The following TMEM143 variants were observed in gnomAD, a reference collection of about 807,000 sequenced individuals.
TMEM143 encodes the protein transmembrane protein 143.
In TMEM143, 45 loss-of-function variants were observed where a neutral mutation model predicts 40.3. The ratio of observed to expected loss-of-function variants is 1.12; its 90% CI spans 0.88 to 1.43. The LOEUF (loss-of-function observed/expected upper bound fraction) is 1.43, where lower values mean the gene tolerates loss of function less well. TMEM143 is among the 40% of genes most tolerant of loss of function. TMEM143 has a pLI of 0.00. For synonymous variants in TMEM143, 299 were observed against 282.7 expected (o/e 1.06, Z -0.58); for missense variants, 620 against 613.4 (o/e 1.01, Z -0.11).
At chr19:48,334,427 TTTCTTTCTTTC>T (rs1164734380) in intron 6 of TMEM143, among the ~76,000 whole-genome samples, 1 of 50,810 alleles carries the variant, frequency 2.0e-5, no homozygotes, top group Non-Finnish European at 3.9e-5. Context: ...TCTTTCTTTC[TTTCTTTCTTTC>T]TTTCTTTCTT....
chr19:48,342,915 T>C (rs980281814), intron 5 of TMEM143, 106 bp from the exon 6 acceptor site: 2 of 1,334,408 alleles, frequency 1.5e-6, no homozygotes, highest in South Asian at 3.0e-5. Context: ...CACAACCATC[T>C]TAAAAGCGAC....
At position 48,333,055 on chromosome 19, in the gene TMEM143, C is replaced by T; in HGVS notation, c.*164G>A. 2.1e-6 allele frequency: 1 copy of T among 484,638 alleles called. No individual in the cohort carries two copies. Among genetic ancestry groups the T allele is most frequent in the Admixed American group, 4.2e-5 (1 of 23,636 alleles). The allele number at this position is 484,638 out of a possible 1,614,324, so 30.0% of individuals were successfully genotyped here. On this transcript the variant is annotated 3_prime_UTR_variant, in exon 8 of 8. Coordinates refer to ENST00000293261, the MANE Select transcript of TMEM143 (RefSeq NM_018273.4). This position sits in a 1 kb window ranked among gnomAD's most constrained non-coding sequence, Gnocchi z 4.1. The stretch of plus-strand genomic sequence containing the variant: ...GGGAAGACTTAACAACTGCTAGCTG[C>T]TTTGATTGGCTGCTTTGCTTAAGCA...
In TMEM143 at chr19:48,363,462, C is replaced by T. The variant is rs142927383; in HGVS notation, c.93G>A (p.Trp31Ter). 5.2e-5 allele frequency: 84 copies of T among 1,613,976 alleles called. No homozygotes were observed. In the Middle Eastern group the frequency reaches 2.1e-3, roughly 41 times the overall value. Residue 31 changes from tryptophan to a stop codon, truncating the protein, a stop_gained, in exon 2 of 8, where the codon TGG becomes TGA. Transcript: ENST00000293261. LOFTEE classifies it high-confidence loss of function. ...RGVWGSRVRV[W>*]PLLPALLGPP... The stretch of plus-strand genomic sequence containing the variant: ...GCCCGAGGAGCGCGGGCAACAGTGG[C>T]CATACTCGGACCCTGGACCCCCAGA...
At chr19:48,335,976 C>G (rs867347715) in intron 6 of TMEM143, among the ~76,000 whole-genome samples, 2 of 152,134 alleles carry the variant, frequency 1.3e-5, no homozygotes, top group Admixed American at 1.3e-4. Flanking sequence ...GCCCAGCTGT[C>G]TACTGGCTGC....
chr19:48,342,922 C>T (rs1969536201), intron 5 of TMEM143, 113 bp from the exon 6 acceptor site: 5 of 1,293,972 alleles, frequency 3.9e-6, no homozygotes, highest in Non-Finnish European at 4.2e-6. Context: ...ATCTTAAAAG[C>T]GACTCAGTAA....
At chr19:48,342,170 A>AAGGGG (rs1164231712) in intron 6 of TMEM143, among the ~76,000 whole-genome samples, 1 of 42,100 alleles carries the variant, frequency 2.4e-5, no homozygotes, top group African/African-American at 9.7e-5. Flanking sequence ...GAGGGAGGGG[A>AAGGGG]AGGGGAGGGG....
At chr19:48,342,025 G>A (rs1181111980) in intron 6 of TMEM143, among the ~76,000 whole-genome samples, 1 of 150,034 alleles carries the variant, frequency 6.7e-6, no homozygotes, top group South Asian at 2.1e-4. Context: ...AGTAAATGAA[G>A]TAGGGAAGGG....
At chr19:48,345,455 T>C (rs7249843) in intron 3 of TMEM143, 101 bp from the exon 4 acceptor site, 5,384 of 467,792 alleles carry the variant, frequency 0.012, 192 homozygotes, top group African/African-American at 0.091. Context: ...CATTTATTTA[T>C]TTATTTATTT....
Position 48,345,560 on chromosome 19 carries a change from G to A in TMEM143, c.370-206C>T, listed in dbSNP as rs530623523. ...TGCAACCTCCACCTCCCGGGTTCAA[G>A]CAATTCTCCTGCCTCAGCCTCCCAA... On this transcript the variant is annotated intron_variant, in intron 3 of 7. Coordinates refer to ENST00000293261, the MANE Select transcript of TMEM143 (RefSeq NM_018273.4). Among the ~76,000 whole-genome samples the A allele has an allele frequency of 4.0e-4, 61 of 151,832 alleles. 1 individual carries two copies. Among genetic ancestry groups the A allele is most frequent in the Middle Eastern group, 3.4e-3 (1 of 292 alleles).
chr19:48,337,601 C>T (rs562424221), intron 6 of TMEM143, among the ~76,000 whole-genome samples: 1 of 151,814 alleles, frequency 6.6e-6, no homozygotes, highest in South Asian at 2.1e-4. Context: ...CTCAGAAACA[C>T]TTACCAAACA....
intron 3 of TMEM143, among the ~76,000 whole-genome samples, chr19:48,354,792 AGCTATTGTTTGAACCGAGGCTAT>A (rs1031653212): frequency 1.6e-4 from 24 of 152,120 alleles, no homozygotes; most frequent in African/African-American, 5.8e-4. Flanking sequence ...TGAACAACCA[AGCTATTGTTTGAACCGAGGCTAT>A]GCTGCTTCTT....
intron 3 of TMEM143, among the ~76,000 whole-genome samples, chr19:48,357,776 G>C (rs2147385728): frequency 6.6e-6 from 1 of 152,288 alleles, no homozygotes; most frequent in African/African-American, 2.4e-5. Flanking sequence ...GTCTCTTGCA[G>C]TAATTGGATG....
chr19:48,361,152 G>A (rs409050), intron 2 of TMEM143, among the ~76,000 whole-genome samples: 111,155 of 151,634 alleles, frequency 0.73, 40,923 homozygotes, highest in East Asian at 0.83. Flanking sequence ...TTTGGTAAGG[G>A]CTGCAGTGTC....
intron 3 of TMEM143, among the ~76,000 whole-genome samples, chr19:48,350,917 CTCAA>C (rs1969754062): frequency 2.0e-5 from 1 of 49,844 alleles, no homozygotes; most frequent in African/African-American, 8.2e-5. Context: ...GAGACTACAT[CTCAA>C]AAAAAAAAAA....
intron 6 of TMEM143, among the ~76,000 whole-genome samples, chr19:48,340,121 A>ATTTTT (rs11369636): frequency 1.2e-4 from 12 of 98,556 alleles, no homozygotes; most frequent in East Asian, 2.9e-4. Flanking sequence ...GTCAACTGGG[A>ATTTTT]TTTTTTTTTT....
intron 2 of TMEM143, among the ~76,000 whole-genome samples, chr19:48,361,222 CTTT>C (rs71294400): frequency 3.6e-5 from 5 of 140,620 alleles, no homozygotes; most frequent in African/African-American, 7.8e-5. Flanking sequence ...GAACCATTTC[CTTT>C]TTTTTTTTTT....
At chr19:48,357,626 G>C (rs997329468) in intron 3 of TMEM143, among the ~76,000 whole-genome samples, 1 of 152,096 alleles carries the variant, frequency 6.6e-6, no homozygotes, top group African/African-American at 2.4e-5. Context: ...AAAGTGCTGG[G>C]ATTACAGGCA....
In TMEM143 at chr19:48,351,211, C is replaced by G. The variant is rs562507619; in HGVS notation, c.370-5857G>C. ...AAACCTGCTCCTCTCAGCCTTGTCC[C>G]CATCTCAAAAGATGCAACTCCATCC... On this transcript the variant is annotated intron_variant, in intron 3 of 7. Coordinates refer to ENST00000293261, the MANE Select transcript of TMEM143 (RefSeq NM_018273.4). Among the ~76,000 whole-genome samples, 7 of 152,294 alleles carry G rather than the reference C, an allele frequency of 4.6e-5. No individual in the cohort carries two copies. The South Asian group carries it at 1.5e-3, about 32-fold the overall frequency.
chr19:48,345,946 G>A (rs952884203), intron 3 of TMEM143, among the ~76,000 whole-genome samples: 4 of 146,932 alleles, frequency 2.7e-5, no homozygotes, highest in East Asian at 2.0e-4. Context: ...CACCATGCCC[G>A]GTTAATTTTT....
Sources: allele counts gnomAD v4.1 joint callset (sites outside exome capture counted in the v4.1 genomes callset), GRCh38; gene constraint gnomAD v4.1.1; non-coding constraint Gnocchi (gnomAD v3.1); transcripts MANE v1.5; gene names NCBI Gene and HGNC (gene_info 2026-07-23, HGNC 2026-07-21).